The following SMOC2 variants were observed in gnomAD, a reference collection of about 807,000 sequenced individuals.
SMOC2 encodes the protein SPARC-related modular calcium-binding protein 2.
In SMOC2, 39 loss-of-function variants were observed where a neutral mutation model predicts 61.4. That is an observed-to-expected ratio of 0.64 (90% confidence interval 0.49 to 0.83). The LOEUF is 0.83. Among genes scored for constraint, SMOC2 ranks in the 40% least tolerant of loss-of-function variants. The pLI is 0.00. For missense variants in SMOC2, 556 were observed against 592.9 expected (o/e 0.94, Z 0.65); for synonymous variants, 247 against 239.9 (o/e 1.03, Z -0.27).
intron 8 of SMOC2, among the ~76,000 whole-genome samples, chr6:168,603,894 C>A (rs1170253602): frequency 6.6e-6 from 1 of 152,196 alleles, no homozygotes; most frequent in Non-Finnish European, 1.5e-5. Context: ...CCCCAGAACC[C>A]AGTGCAGTTT....
chr6:168,656,202 A>G (rs1053725092), intron 11 of SMOC2, among the ~76,000 whole-genome samples: 1 of 152,058 alleles, frequency 6.6e-6, no homozygotes, highest in Non-Finnish European at 1.5e-5. Flanking sequence ...TGGAGGGCTG[A>G]TTCACCGTGG....
In SMOC2 at chr6:168,505,738, G is replaced by A. The variant is rs553026783; in HGVS notation, c.85-4177G>A. Among the ~76,000 whole-genome samples, 6 of 152,356 alleles carry A rather than the reference G, an allele frequency of 3.9e-5. No homozygotes were observed. In the East Asian group the frequency reaches 1.2e-3, roughly 29 times the overall value. ...GATTTAGGTTCTGTGTTCTAAAAGA[G>A]TAGGACCCTGTTTTCTGAAATCTGA... On this transcript the variant is annotated intron_variant, in intron 1 of 12. Transcript: ENST00000356284.
intron 11 of SMOC2, among the ~76,000 whole-genome samples, chr6:168,658,187 G>A (rs1787375751): frequency 6.6e-6 from 1 of 152,144 alleles, no homozygotes; most frequent in African/African-American, 2.4e-5. Context: ...CACAGAGAGG[G>A]AAGATGAACA....
chr6:168,548,952 AT>A (rs1364779240), intron 6 of SMOC2, among the ~76,000 whole-genome samples, 176 bp from the exon 7 acceptor site: 3 of 152,224 alleles, frequency 2.0e-5, no homozygotes, highest in Admixed American at 6.5e-5. Flanking sequence ...TTAAATGTAT[AT>A]TATGATTTCC....
At position 168,514,980 on chromosome 6, in the gene SMOC2, C is replaced by T. The variant is rs9455653; in HGVS notation, c.256+4894C>T. On this transcript the variant is annotated intron_variant, in intron 2 of 12. Coordinates refer to ENST00000356284, the MANE Select transcript of SMOC2 (RefSeq NM_001166412.2). ...CTAGCATGTGACTTCGGATCTTTGC[C>T]GTACCCAGCTGCAGGGTCACAGTGA... Among the ~76,000 whole-genome samples the T allele has an allele frequency of 1.5e-3, 222 of 152,214 alleles. 2 individuals are homozygous for T. Among genetic ancestry groups the T allele is most frequent in the African/African-American group, 4.8e-3 (201 of 41,526 alleles).
chr6:168,558,373 T>G (rs1157328016), intron 7 of SMOC2, among the ~76,000 whole-genome samples: 1 of 151,894 alleles, frequency 6.6e-6, no homozygotes, highest in East Asian at 1.9e-4. Flanking sequence ...GCTGGAGAGA[T>G]ATTAGGTGTG....
At chr6:168,470,849 A>T (rs1781954033) in intron 1 of SMOC2, among the ~76,000 whole-genome samples, 1 of 152,198 alleles carries the variant, frequency 6.6e-6, no homozygotes, top group African/African-American at 2.4e-5. Context: ...TATTTGACAC[A>T]TCCAAAGCCA....
At chr6:168,619,092 C>T (rs745941774) in intron 9 of SMOC2, among the ~76,000 whole-genome samples, 49 of 152,268 alleles carry the variant, frequency 3.2e-4, no homozygotes, top group African/African-American at 8.9e-4. Context: ...TTCTGAGCAG[C>T]GCCGGTGACC....
At chr6:168,515,602 T>C (rs2342450) in intron 2 of SMOC2, among the ~76,000 whole-genome samples, 135,827 of 151,770 alleles carry the variant, frequency 0.89, 61,693 homozygotes, top group East Asian at 1. Context: ...AGACGGGCCT[T>C]GCCCTGAGCG....
chr6:168,635,924 C>T (rs530144167), intron 9 of SMOC2, among the ~76,000 whole-genome samples: 1 of 151,822 alleles, frequency 6.6e-6, no homozygotes, highest in African/African-American at 2.4e-5. Flanking sequence ...GGTGAGACTT[C>T]TATAGGACTC....
Position 168,553,618 on chromosome 6 carries a change from G to T in SMOC2, c.637+4415G>T, listed in dbSNP as rs1478994161. 6.6e-6 allele frequency among the ~76,000 whole-genome samples: 1 copy of T among 152,128 alleles called. No homozygotes were observed. The highest frequency in any genetic ancestry group is 2.4e-5 in the African/African-American group (1 of 41,404). Reference sequence around the variant, plus strand: ...ACTCTTCATGAATTACCAACACCAAGGTGCTTAGGGTTTCATGACCCATTC... The same window carrying T: ...ACTCTTCATGAATTACCAACACCAATGTGCTTAGGGTTTCATGACCCATTC... On this transcript the variant is annotated intron_variant, in intron 7 of 12. Coordinates refer to ENST00000356284, the MANE Select transcript of SMOC2 (RefSeq NM_001166412.2). The surrounding 1 kb of genome is among the most constrained non-coding windows in gnomAD (Gnocchi z 4.2).
At chr6:168,622,212 C>T (rs940964205) in intron 9 of SMOC2, among the ~76,000 whole-genome samples, 8 of 152,062 alleles carry the variant, frequency 5.3e-5, no homozygotes, top group Admixed American at 2.6e-4. Context: ...CTGATCCACC[C>T]GCCTCGGCCT....
Position 168,526,533 on chromosome 6 carries a change from G to C in SMOC2, c.363+81G>C, listed in dbSNP as rs12111003. ...GAGCGGGTGTGGGGAGAAGGCAGGT[G>C]GGGGGAGCCGAACAGAAGAAGCAGC... On this transcript the variant is annotated intron_variant, in intron 3 of 12. Coordinates refer to ENST00000356284, the MANE Select transcript of SMOC2 (RefSeq NM_001166412.2). 1.1e-5 allele frequency: 12 copies of C among 1,135,916 alleles called. No homozygotes were observed. The East Asian group carries it at 1.5e-4, about 14-fold the overall frequency. The allele number at this position is 1,135,916 out of a possible 1,614,324, so 70.4% of individuals were successfully genotyped here. A position where few individuals can be genotyped will look rare whatever the true frequency, so the allele number is the denominator to read the frequency against.
At chr6:168,657,393 T>G (rs545444408) in intron 11 of SMOC2, among the ~76,000 whole-genome samples, 4 of 152,352 alleles carry the variant, frequency 2.6e-5, no homozygotes, top group Admixed American at 1.3e-4. Flanking sequence ...ACACTTGCTG[T>G]TAGGGCTCCT....
At chr6:168,536,290 G>A (rs1783732009) in intron 4 of SMOC2, among the ~76,000 whole-genome samples, 1 of 152,156 alleles carries the variant, frequency 6.6e-6, no homozygotes, top group Non-Finnish European at 1.5e-5. Flanking sequence ...TGGCTGCCAG[G>A]GCCCCTCCTG....
intron 7 of SMOC2, among the ~76,000 whole-genome samples, chr6:168,555,782 A>G (rs1431265379): frequency 6.6e-6 from 1 of 152,168 alleles, no homozygotes; most frequent in Non-Finnish European, 1.5e-5. Flanking sequence ...GAGGAAGGGT[A>G]GAGGACCGTC....
At chr6:168,609,841 T>G (rs1785810378) in intron 9 of SMOC2, among the ~76,000 whole-genome samples, 1 of 152,164 alleles carries the variant, frequency 6.6e-6, no homozygotes, top group African/African-American at 2.4e-5. Flanking sequence ...TAGCACAAAG[T>G]TGCATCACTT....
intron 7 of SMOC2, among the ~76,000 whole-genome samples, chr6:168,596,667 C>A (rs4708757): frequency 0.65 from 99,383 of 152,132 alleles, 32,660 homozygotes; most frequent in Middle Eastern, 0.73. Context: ...AGAAACATTT[C>A]GCACAACCCC....
intron 2 of SMOC2, among the ~76,000 whole-genome samples, chr6:168,516,991 T>C (rs1477358970): frequency 6.6e-6 from 1 of 152,194 alleles, no homozygotes; most frequent in Non-Finnish European, 1.5e-5. Context: ...GTTTAGAGAC[T>C]GTTCTTTCCG....
Sources: allele counts gnomAD v4.1 joint callset (sites outside exome capture counted in the v4.1 genomes callset), GRCh38; gene constraint gnomAD v4.1.1; non-coding constraint Gnocchi (gnomAD v3.1); transcripts MANE v1.5; gene names NCBI Gene and HGNC (gene_info 2026-07-23, HGNC 2026-07-21).